Variants in CRACDL observed in about 807,000 individuals in gnomAD.
The protein encoded by CRACDL is CRACD-like protein.
CRACDL carries 26 observed loss-of-function variants against 70.6 expected under a neutral mutation model. That is an observed-to-expected ratio of 0.37 (90% CI 0.27 to 0.51). The LOEUF is 0.51. Ranked by LOEUF, CRACDL falls within the 20% of genes least tolerant of loss-of-function variation. The pLI is 0.94. For synonymous variants in CRACDL, 618 were observed against 615.2 expected (o/e 1.00, Z -0.07); for missense variants, 1,283 against 1,376.9 (o/e 0.93, Z 1.08).
At chr2:98,891,799 G>A (rs1707987911) in intron 1 of CRACDL, among the ~76,000 whole-genome samples, 1 of 152,140 alleles carries the variant, frequency 6.6e-6, no homozygotes, top group Non-Finnish European at 1.5e-5. Flanking sequence ...TGGAAGGCAT[G>A]AGTCAGACTA....
At chr2:98,795,077 A>ATATATATATATTTTTTTTTTTTTTTTT in intron 9 of CRACDL, among the ~76,000 whole-genome samples, 1 of 58,496 alleles carries the variant, frequency 1.7e-5, no homozygotes, top group East Asian at 6.1e-4. Context: ...ATATATATAT[A>ATATATATATATTTTTTTTTTTTTTTTT]TTTTTTTTTT....
intron 1 of CRACDL, among the ~76,000 whole-genome samples, chr2:98,904,777 T>G (rs1708362934): frequency 6.6e-6 from 1 of 152,236 alleles, no homozygotes; most frequent in Non-Finnish European, 1.5e-5. Context: ...CAATCATGGT[T>G]ATACCTGCTG....
At chr2:98,882,219 CT>C (rs1707672062) in intron 1 of CRACDL, among the ~76,000 whole-genome samples, 1 of 152,228 alleles carries the variant, frequency 6.6e-6, no homozygotes. Flanking sequence ...AGCAGCTCTA[CT>C]CAGGGCACTA....
At chr2:98,880,646 G>T (rs572457979) in intron 1 of CRACDL, among the ~76,000 whole-genome samples, 25 of 152,234 alleles carry the variant, frequency 1.6e-4, no homozygotes, top group Non-Finnish European at 3.7e-4. Context: ...TTCTCTGGCC[G>T]CGAGGTCAGG....
chr2:98,794,994 A>G (rs962175162), intron 9 of CRACDL, among the ~76,000 whole-genome samples: 8 of 147,482 alleles, frequency 5.4e-5, no homozygotes, highest in African/African-American at 2.0e-4. Flanking sequence ...GCACTTAAAA[A>G]TGGCTAAGAT....
At position 98,797,465 on chromosome 2, in the gene CRACDL, G is replaced by A. The variant is rs376576235; in HGVS notation, c.2489C>T (p.Thr830Ile). 6 of 1,614,132 alleles carry A rather than the reference G, an allele frequency of 3.7e-6. No homozygotes were observed. Among genetic ancestry groups the A allele is most frequent in the Non-Finnish European group, 5.1e-6 (6 of 1,180,056 alleles). Residue 830 changes from threonine (T) to isoleucine (I), a missense_variant, in exon 8 of 10, where the codon ACT becomes ATT. By Grantham distance (89) the Thr-to-Ile change is moderately conservative (BLOSUM62 -1). Coordinates refer to ENST00000397899, the MANE Select transcript of CRACDL (RefSeq NM_207362.3). ...GQPAPPWITV[T>I]RQKRRGTLDQ... Reference sequence around the variant, plus strand: ...CAAGGTCCCCCTCCGCTTCTGCCGAGTGACGGTGATCCAGGGTGGCGCAGG... The same window carrying A: ...CAAGGTCCCCCTCCGCTTCTGCCGAATGACGGTGATCCAGGGTGGCGCAGG...
chr2:98,903,084 C>G (rs1201036492), intron 1 of CRACDL, among the ~76,000 whole-genome samples: 1 of 152,102 alleles, frequency 6.6e-6, no homozygotes, highest in East Asian at 1.9e-4. Context: ...GTGCTCCTGC[C>G]CATTTGCTGT....
intron 7 of CRACDL, among the ~76,000 whole-genome samples, chr2:98,809,003 C>A (rs1559204367): frequency 6.6e-6 from 1 of 152,206 alleles, no homozygotes. Flanking sequence ...CTCCCATGGT[C>A]CCCCATCCCA....
At chr2:98,926,523 C>T (rs934624701) in intron 1 of CRACDL, among the ~76,000 whole-genome samples, 8 of 152,206 alleles carry the variant, frequency 5.3e-5, no homozygotes, top group Non-Finnish European at 1.2e-4. Context: ...GCAGCTGCCC[C>T]CATGGTCTCC....
At chr2:98,825,161 T>C (rs769023086) in intron 6 of CRACDL, among the ~76,000 whole-genome samples, 4 of 152,168 alleles carry the variant, frequency 2.6e-5, no homozygotes, top group Non-Finnish European at 5.9e-5. Flanking sequence ...CAAAGGGTGC[T>C]ATGGACACTG....
At chr2:98,816,277 G>T (rs531059270) in intron 7 of CRACDL, among the ~76,000 whole-genome samples, 1 of 152,152 alleles carries the variant, frequency 6.6e-6, no homozygotes, top group African/African-American at 2.4e-5. Context: ...GTTTTATGAC[G>T]TATCAGTGGG....
chr2:98,855,407 A>G (rs1706659742), intron 1 of CRACDL, among the ~76,000 whole-genome samples: 2 of 152,232 alleles, frequency 1.3e-5, no homozygotes, highest in Non-Finnish European at 1.5e-5. Context: ...ACATACAAAG[A>G]AATAAGGATA....
intron 1 of CRACDL, among the ~76,000 whole-genome samples, chr2:98,895,418 T>C (rs1708093095): frequency 6.6e-6 from 1 of 152,080 alleles, no homozygotes; most frequent in African/African-American, 2.4e-5. Flanking sequence ...ACGGAAAACA[T>C]ACCAGACAAA....
intron 1 of CRACDL, among the ~76,000 whole-genome samples, chr2:98,918,303 C>T (rs1250604996): frequency 2.6e-5 from 4 of 151,936 alleles, no homozygotes; most frequent in East Asian, 1.9e-4. Context: ...GAGGCCAATG[C>T]GGGTGGATCG....
intron 3 of CRACDL, 115 bp from the exon 4 acceptor site, chr2:98,833,112 T>C (rs1705616712): frequency 1.1e-6 from 1 of 950,908 alleles, no homozygotes; most frequent in African/African-American, 1.6e-5. Flanking sequence ...ACACTCCCTC[T>C]GCTGCATTTA....
At chr2:98,902,657 G>C (rs1430403860) in intron 1 of CRACDL, among the ~76,000 whole-genome samples, 1 of 152,148 alleles carries the variant, frequency 6.6e-6, no homozygotes, top group Non-Finnish European at 1.5e-5. Flanking sequence ...CCTGGAGCTG[G>C]AGGGAAGGGT....
chr2:98,822,009 G>C lies in CRACDL; in HGVS notation c.2264C>G (p.Pro755Arg). 6.5e-7 allele frequency: 1 copy of C among 1,537,194 alleles called. No homozygotes were observed. Among genetic ancestry groups the C allele is most frequent in the East Asian group, 2.5e-5 (1 of 40,632 alleles). The stretch of plus-strand genomic sequence containing the variant: ...GGGCAGGGGCGGCTTGGAGCTGAGC[G>C]GCTCGGGGGGCCGGGCCTTCCCCTT... Reference protein sequence around the residue: ...QGKGKARPPEPLSSKPPLPRK... With the variant: ...QGKGKARPPERLSSKPPLPRK... Residue 755 changes from proline (P) to arginine (R), a missense_variant, in exon 7 of 10, where the codon CCG becomes CGG. Pro to Arg is a moderately radical substitution (Grantham distance 103). Transcript: ENST00000397899. This position sits in a 1 kb window ranked among gnomAD's most constrained non-coding sequence, Gnocchi z 4.9.
chr2:98,894,663 AG>A (rs1708071563), intron 1 of CRACDL, among the ~76,000 whole-genome samples: 1 of 152,140 alleles, frequency 6.6e-6, no homozygotes, highest in Non-Finnish European at 1.5e-5. Context: ...TCAACTCCTC[AG>A]CCTCTGTCCT....
At chr2:98,826,947 C>G (rs903389468) in intron 6 of CRACDL, 28 bp downstream of exon 6, 1 of 1,581,194 alleles carries the variant, frequency 6.3e-7, no homozygotes, top group Middle Eastern at 2.2e-4. Context: ...CCTGGCCTGC[C>G]TCTGTGTGGA....
Sources: allele counts gnomAD v4.1 joint callset (sites outside exome capture counted in the v4.1 genomes callset), GRCh38; gene constraint gnomAD v4.1.1; non-coding constraint Gnocchi (gnomAD v3.1); transcripts MANE v1.5; gene names NCBI Gene and HGNC (gene_info 2026-07-23, HGNC 2026-07-21).